DEXI: variants seen among roughly 807,000 people sequenced by gnomAD.
DEXI encodes the protein Dexi homolog, also known as dexamethasone-induced protein.
A neutral mutation model predicts 2.5 loss-of-function variants in DEXI; 2 were observed. The observed-to-expected ratio is 0.81, with a 90% CI of 0.33 to 2.55. The LOEUF is 2.55. Among genes scored for constraint, DEXI ranks in the 30% most tolerant of loss-of-function variants. The pLI is 0.11. For missense variants in DEXI, 108 were observed against 130.3 expected, an observed-to-expected ratio of 0.83 and a Z score of 0.83; for synonymous variants, 71 against 68.7, an observed-to-expected ratio of 1.03 and a Z score of -0.17.
chr16:10,935,991 T>TG lies in DEXI; in HGVS notation c.*149+5577_*149+5578insC, dbSNP rs1256537324. 4 of 151,776 alleles carry TG rather than the reference T, an allele frequency of 2.6e-5. No homozygotes were observed. In the East Asian group the frequency reaches 7.8e-4, roughly 30 times the overall value. The allele number at this position is 151,776 out of a possible 1,614,324, so 9.4% of individuals were successfully genotyped here. Reference sequence around the variant, plus strand: ...GTTAAGGGACACTACTGGGACAATTTTTTTTTTTTTTCGTTTTGAGACAGG... The same window carrying TG: ...GTTAAGGGACACTACTGGGACAATTTGTTTTTTTTTTTCGTTTTGAGACAGG... On this transcript the variant is annotated intron_variant, in intron 1 of 1. Transcript: ENST00000331808.
rs2040691440 is a variant in DEXI at position 10,929,648 on chromosome 16, C to T, written c.*150-89G>A. The T allele has an allele frequency of 4.7e-6, 4 of 853,210 alleles. No homozygotes were observed. The highest frequency in any genetic ancestry group is 5.6e-6 in the Non-Finnish European group (4 of 709,634). 52.9% of individuals were successfully genotyped at this position (853,210 alleles called of 1,614,324 possible). On this transcript the variant is annotated intron_variant, in intron 1 of 1. Coordinates refer to ENST00000331808, the MANE Select transcript of DEXI (RefSeq NM_014015.4). The surrounding 1 kb of genome is among the most constrained non-coding windows in gnomAD (Gnocchi z 4.3). ...GGGACAGGGACCAATCCACCAGGCT[C>T]GGGAGGCTTGGGGTGGGGCAGGGAA...
In DEXI at chr16:10,942,343, G is replaced by T; in HGVS notation, c.-338C>A. 1 of 244,926 alleles carries T rather than the reference G, an allele frequency of 4.1e-6. No individual in the cohort carries two copies. Among genetic ancestry groups the T allele is most frequent in the South Asian group, 4.6e-5 (1 of 21,768 alleles). The allele number at this position is 244,926 out of a possible 1,614,324, so 15.2% of individuals were successfully genotyped here. A position where few individuals can be genotyped will look rare whatever the true frequency, so the allele number is the denominator to read the frequency against. On this transcript the variant is annotated 5_prime_UTR_variant, in exon 1 of 2. The change creates a new upstream start codon in the 5' untranslated region. Coordinates refer to ENST00000331808, the MANE Select transcript of DEXI (RefSeq NM_014015.4). This position sits in a 1 kb window ranked among gnomAD's most constrained non-coding sequence, Gnocchi z 5.0. Reference sequence around the variant, plus strand: ...CCGGTGGGGATCCCACCGCGGCTCAGTGTCTAGGGCCGGTCCCGGCAGCCT... The same window carrying T: ...CCGGTGGGGATCCCACCGCGGCTCATTGTCTAGGGCCGGTCCCGGCAGCCT...
chr16:10,929,322 G>A lies in DEXI; in HGVS notation c.*387C>T. 1 of 985,934 alleles carries A rather than the reference G, an allele frequency of 1.0e-6. No homozygotes were observed. The allele number at this position is 985,934 out of a possible 1,614,324, so 61.1% of individuals were successfully genotyped here. On this transcript the variant is annotated 3_prime_UTR_variant, in exon 2 of 2. Coordinates refer to ENST00000331808, the MANE Select transcript of DEXI (RefSeq NM_014015.4). This position sits in a 1 kb window ranked among gnomAD's most constrained non-coding sequence, Gnocchi z 4.3. ...TGCGCTCCGGGATGAAGTGCAGGGAGGCAAACTCTGGCTGGGTTCCTGTAA... is the reference window on the plus strand; with the variant it reads ...TGCGCTCCGGGATGAAGTGCAGGGAAGCAAACTCTGGCTGGGTTCCTGTAA...
Position 10,939,100 on chromosome 16 carries a change from C to G in DEXI, c.*149+2469G>C, listed in dbSNP as rs1346448909. ...TCTGTTGAATGAGTGAGTGCATATG[C>G]AAAGGGCCTAGACACAGGAGTGCGA... On this transcript the variant is annotated intron_variant, in intron 1 of 1. Coordinates refer to ENST00000331808, the MANE Select transcript of DEXI (RefSeq NM_014015.4). This position sits in a 1 kb window ranked among gnomAD's most constrained non-coding sequence, Gnocchi z 4.9. The G allele has an allele frequency of 6.6e-6, 1 of 152,166 alleles. No individual in the cohort carries two copies. The highest frequency in any genetic ancestry group is 2.4e-5 in the African/African-American group (1 of 41,442). 9.4% of individuals were successfully genotyped at this position (152,166 alleles called of 1,614,324 possible).
chr16:10,941,907 C>G lies in DEXI; in HGVS notation c.99G>C (p.Leu33=), dbSNP rs574266671. The change falls in exon 1 of 2, where the codon CTG becomes CTC. Residue 33 remains leucine, a synonymous_variant. Transcript: ENST00000331808. This position sits in a 1 kb window ranked among gnomAD's most constrained non-coding sequence, Gnocchi z 6.4. ...PLLPSMFYVG[L]FFVNVLILYY... ...ACAGGATCAGCACATTGACGAAGAA[C>G]AGGCCCACGTAGAACATAGAGGGCA... 45 of 1,608,290 alleles carry G rather than the reference C, an allele frequency of 2.8e-5. No individual in the cohort carries two copies. In the African/African-American group the frequency reaches 5.3e-4, roughly 19 times the overall value.
rs2145292065 is a variant in DEXI at position 10,929,526 on chromosome 16, C to G, written c.*183G>C. The G allele has an allele frequency of 1.0e-6, 1 of 985,568 alleles. No homozygotes were observed. Among genetic ancestry groups the G allele is most frequent in the East Asian group, 1.1e-4 (1 of 8,816 alleles). 61.1% of individuals were successfully genotyped at this position (985,568 alleles called of 1,614,324 possible). A position where few individuals can be genotyped will look rare whatever the true frequency, so the allele number is the denominator to read the frequency against. ...CTCTCCTGGGTTCAAACAGGAACCTCTCTGTTGGCACGAAGCTTTTGAGGG... is the reference window on the plus strand; with the variant it reads ...CTCTCCTGGGTTCAAACAGGAACCTGTCTGTTGGCACGAAGCTTTTGAGGG... On this transcript the variant is annotated 3_prime_UTR_variant, in exon 2 of 2. Transcript: ENST00000331808. This position sits in a 1 kb window ranked among gnomAD's most constrained non-coding sequence, Gnocchi z 4.3.
chr16:10,936,747 G>C (rs2041033079), intron 1 of DEXI: 1 of 152,178 alleles, frequency 6.6e-6, no homozygotes, highest in Admixed American at 6.5e-5. Flanking sequence ...TCAGTGCTGT[G>C]GCCAGGGAAC....
chr16:10,936,498 G>A (rs922314303), intron 1 of DEXI: 2 of 152,228 alleles, frequency 1.3e-5, no homozygotes, highest in Non-Finnish European at 2.9e-5. Context: ...GAGCATGCAC[G>A]TGTACATGAG....
In DEXI at chr16:10,929,481, C is replaced by T. The variant is rs1469416769; in HGVS notation, c.*228G>A. ...CAGGTGCCTTCCCAACCTCAGCACT[C>T]AGTCCCAATCTCTCTTCCACTCTCC... is the stretch of plus-strand genomic sequence containing the variant. On this transcript the variant is annotated 3_prime_UTR_variant, in exon 2 of 2. Coordinates refer to ENST00000331808, the MANE Select transcript of DEXI (RefSeq NM_014015.4). This position sits in a 1 kb window ranked among gnomAD's most constrained non-coding sequence, Gnocchi z 4.3. 8.1e-6 allele frequency: 8 copies of T among 985,650 alleles called. No individual in the cohort carries two copies. Among genetic ancestry groups the T allele is most frequent in the Non-Finnish European group, 9.6e-6 (8 of 829,980 alleles). 61.1% of individuals were successfully genotyped at this position (985,650 alleles called of 1,614,324 possible). A position where few individuals can be genotyped will look rare whatever the true frequency, so the allele number is the denominator to read the frequency against.
chr16:10,933,138 T>C (rs994703905), intron 1 of DEXI: 1 of 152,188 alleles, frequency 6.6e-6, no homozygotes, highest in African/African-American at 2.4e-5. Context: ...AGCCACTAGA[T>C]TTTTTTCCCC....
rs569180102 is a variant in DEXI, at chr16:10,938,282, C to T, written c.*149+3287G>A. 1 of 151,998 alleles carries T rather than the reference C, an allele frequency of 6.6e-6. No individual in the cohort carries two copies. Among genetic ancestry groups the T allele is most frequent in the South Asian group, 2.1e-4 (1 of 4,802 alleles). 9.4% of individuals were successfully genotyped at this position (151,998 alleles called of 1,614,324 possible). On this transcript the variant is annotated intron_variant, in intron 1 of 1. Transcript: ENST00000331808. This position sits in a 1 kb window ranked among gnomAD's most constrained non-coding sequence, Gnocchi z 4.9. ...CTGGGATGTGAACCCAGGGCCCTGG[C>T]TCTTAACCATGACCCTAATACTGCC...
Position 10,941,637 on chromosome 16 carries a change from C to CT in DEXI, c.*80dup. The CT allele has an allele frequency of 6.5e-7, 1 of 1,528,094 alleles. No individual in the cohort carries two copies. Among genetic ancestry groups the CT allele is most frequent in the Non-Finnish European group, 8.8e-7 (1 of 1,137,890 alleles). 94.7% of individuals were successfully genotyped at this position (1,528,094 alleles called of 1,614,324 possible). On this transcript the variant is annotated 3_prime_UTR_variant, in exon 1 of 2. Coordinates refer to ENST00000331808, the MANE Select transcript of DEXI (RefSeq NM_014015.4). The surrounding 1 kb of genome is among the most constrained non-coding windows in gnomAD (Gnocchi z 6.4). Reference sequence around the variant, plus strand: ...CCGTCCAGATGGTGCCCCCAACCAGCTGCGGCGGCATGATCTGGGCGGCTG... The same window carrying CT: ...CCGTCCAGATGGTGCCCCCAACCAGCTTGCGGCGGCATGATCTGGGCGGCTG...
rs780085024 is a variant in DEXI, at chr16:10,941,889, C to G, written c.117G>C (p.Leu39=). ...FYVGLFFVNV[L]ILYYAFLMEY... Reference sequence around the variant, plus strand: ...CCATGAGGAAGGCGTAGTACAGGATCAGCACATTGACGAAGAACAGGCCCA... The same window carrying G: ...CCATGAGGAAGGCGTAGTACAGGATGAGCACATTGACGAAGAACAGGCCCA... The change falls in exon 1 of 2, where the codon CTG becomes CTC. Residue 39 remains leucine, a synonymous_variant. Transcript: ENST00000331808. This position sits in a 1 kb window ranked among gnomAD's most constrained non-coding sequence, Gnocchi z 6.4. 6.2e-7 allele frequency: 1 copy of G among 1,610,884 alleles called. No homozygotes were observed. The highest frequency in any genetic ancestry group is 8.5e-7 in the Non-Finnish European group (1 of 1,179,340).
intron 1 of DEXI, chr16:10,930,287 T>A (rs2040727742): frequency 6.6e-6 from 1 of 152,276 alleles, no homozygotes; most frequent in East Asian, 1.9e-4. Context: ...GTTAAACATG[T>A]GACATGTATT....
At position 10,941,779 on chromosome 16, in the gene DEXI, G is replaced by T. The variant is rs758877371; in HGVS notation, c.227C>A (p.Pro76His). ...GTCAGCATCGTAAAGGCCCGAGCCG[G>T]GGTCGGAGAGCACGCCGAGGTCCAC... Reference protein sequence around the residue: ...ALVDLGVLSDPGSGLYDADSE... With the variant: ...ALVDLGVLSDHGSGLYDADSE... Residue 76 changes from proline (P) to histidine (H), a missense_variant, in exon 1 of 2, where the codon CCC (proline) becomes CAC (histidine). Pro to His is a moderately conservative substitution (Grantham distance 77). Coordinates refer to ENST00000331808, the MANE Select transcript of DEXI (RefSeq NM_014015.4). This position sits in a 1 kb window ranked among gnomAD's most constrained non-coding sequence, Gnocchi z 6.4. 45 of 1,613,610 alleles carry T rather than the reference G, an allele frequency of 2.8e-5. No individual in the cohort carries two copies. Among genetic ancestry groups the T allele is most frequent in the Non-Finnish European group, 3.7e-5 (44 of 1,179,836 alleles).
At position 10,939,638 on chromosome 16, in the gene DEXI, G is replaced by A. The variant is rs545535498; in HGVS notation, c.*149+1931C>T. The A allele has an allele frequency of 6.6e-6, 1 of 152,158 alleles. No individual in the cohort carries two copies. Among genetic ancestry groups the A allele is most frequent in the African/African-American group, 2.4e-5 (1 of 41,414 alleles). 9.4% of individuals were successfully genotyped at this position (152,158 alleles called of 1,614,324 possible). A position where few individuals can be genotyped will look rare whatever the true frequency, so the allele number is the denominator to read the frequency against. ...TCATCTCCTTAGAGAGGCTTTCTCT[G>A]ACCCCTCAGCTAAAGCAGCCCACCA... On this transcript the variant is annotated intron_variant, in intron 1 of 1. Transcript: ENST00000331808. The surrounding 1 kb of genome is among the most constrained non-coding windows in gnomAD (Gnocchi z 4.9).
rs1489700576 is a variant in DEXI, at chr16:10,938,580, C to T, written c.*149+2989G>A. On this transcript the variant is annotated intron_variant, in intron 1 of 1. Transcript: ENST00000331808. The surrounding 1 kb of genome is among the most constrained non-coding windows in gnomAD (Gnocchi z 4.9). The stretch of plus-strand genomic sequence containing the variant: ...TATGGAAAGGGGCCTGGAGATGAGG[C>T]TCGGTCAGATCATCTTGAGGTCTTT... 2 of 152,210 alleles carry T rather than the reference C, an allele frequency of 1.3e-5. No individual in the cohort carries two copies. The highest frequency in any genetic ancestry group is 2.1e-4 in the South Asian group (1 of 4,830). 9.4% of individuals were successfully genotyped at this position (152,210 alleles called of 1,614,324 possible). A position where few individuals can be genotyped will look rare whatever the true frequency, so the allele number is the denominator to read the frequency against.
rs2040966334 is a variant in DEXI, at chr16:10,934,969, C to T, written c.*150-5410G>A. On this transcript the variant is annotated intron_variant, in intron 1 of 1. Transcript: ENST00000331808. This position sits in a 1 kb window ranked among gnomAD's most constrained non-coding sequence, Gnocchi z 4.2. ...GCACCCAAGGAAAGGGGGAAGGCTTCCTGGGCTAGAGCCCCTTCAGGGTCT... is the reference window on the plus strand; with the variant it reads ...GCACCCAAGGAAAGGGGGAAGGCTTTCTGGGCTAGAGCCCCTTCAGGGTCT... 6.6e-6 allele frequency: 1 copy of T among 152,296 alleles called. No individual in the cohort carries two copies. The highest frequency in any genetic ancestry group is 6.5e-5 in the Admixed American group (1 of 15,290). The allele number at this position is 152,296 out of a possible 1,614,324, so 9.4% of individuals were successfully genotyped here.
In DEXI at chr16:10,929,793, G is replaced by A. The variant is rs1596640659; in HGVS notation, c.*150-234C>T. 1 of 155,438 alleles carries A rather than the reference G, an allele frequency of 6.4e-6. No homozygotes were observed. The highest frequency in any genetic ancestry group is 3.4e-3 in the Middle Eastern group (1 of 298). The allele number at this position is 155,438 out of a possible 1,614,324, so 9.6% of individuals were successfully genotyped here. On this transcript the variant is annotated intron_variant, in intron 1 of 1. Transcript: ENST00000331808. The surrounding 1 kb of genome is among the most constrained non-coding windows in gnomAD (Gnocchi z 4.3). ...TTTGCCTAATTTCTCAGAGACCCTG[G>A]GCTGGAGAACCAGTGCAATGTCACA...
Sources: gnomAD v4.1 joint callset for allele counts on GRCh38, gnomAD v4.1.1 for gene constraint, Gnocchi (gnomAD v3.1) non-coding constraint, MANE v1.5 for transcripts, NCBI Gene and HGNC (gene_info 2026-07-23, HGNC 2026-07-21) for gene names.